The following PAK5 variants were observed in gnomAD, a reference collection of about 807,000 sequenced individuals.
PAK5 encodes serine/threonine-protein kinase PAK 5.
In PAK5, 16 loss-of-function variants were observed where a neutral mutation model predicts 65.9. The observed-to-expected ratio is 0.24, with a 90% confidence interval of 0.16 to 0.37. The LOEUF is 0.37. Among genes scored for constraint, PAK5 ranks in the 10% least tolerant of loss-of-function variants. The probability of loss-of-function intolerance (pLI) is 1.00; values close to 1 mark genes in which losing one functional copy is unlikely to be tolerated. For synonymous variants in PAK5, 371 were observed against 354.9 expected (o/e 1.05, Z -0.51); for missense variants, 785 against 903.9 (o/e 0.87, Z 1.69).
At chr20:9,674,713 A>C (rs1049589111) in intron 2 of PAK5, among the ~76,000 whole-genome samples, 1 of 152,192 alleles carries the variant, frequency 6.6e-6, no homozygotes, top group African/African-American at 2.4e-5. Context: ...AAAGCAGGGC[A>C]GGTGGAAGTG....
At chr20:9,749,893 C>G (rs1262098404) in intron 1 of PAK5, among the ~76,000 whole-genome samples, 1 of 152,162 alleles carries the variant, frequency 6.6e-6, no homozygotes, top group Non-Finnish European at 1.5e-5. Context: ...CAGTAACACT[C>G]AGTTTGCAGA....
intron 3 of PAK5, among the ~76,000 whole-genome samples, chr20:9,641,542 A>C (rs1271637509): frequency 6.6e-6 from 1 of 151,178 alleles, no homozygotes; most frequent in African/African-American, 2.4e-5. Flanking sequence ...TGGATCCCGC[A>C]CCGGGGCTGC....
At chr20:9,826,819 G>A (rs1241682704) in intron 1 of PAK5, among the ~76,000 whole-genome samples, 3 of 152,302 alleles carry the variant, frequency 2.0e-5, no homozygotes, top group African/African-American at 2.4e-5. Flanking sequence ...AATTGAGCAG[G>A]AATCACACCA....
intron 3 of PAK5, among the ~76,000 whole-genome samples, chr20:9,614,053 G>A (rs2046611693): frequency 1.3e-5 from 2 of 152,180 alleles, no homozygotes; most frequent in South Asian, 4.1e-4. Context: ...TATGAGACTG[G>A]GGATTTAAAA....
chr20:9,576,537 A>T (rs1276976734), intron 4 of PAK5, among the ~76,000 whole-genome samples: 1 of 152,188 alleles, frequency 6.6e-6, no homozygotes, highest in Non-Finnish European at 1.5e-5. Flanking sequence ...AAATGTTCAT[A>T]GTGTCAAGGT....
chr20:9,557,834 G>C lies in PAK5; in HGVS notation c.1617-100C>G, dbSNP rs889159219. ...CTTGTGCTTTAGTGAAACAGTCCAC[G>C]TGCTCCAGCCCATATCTGAAAAACC... On this transcript the variant is annotated intron_variant, in intron 6 of 9. Coordinates refer to ENST00000353224, the MANE Select transcript of PAK5 (RefSeq NM_177990.4). 4.5e-6 allele frequency: 4 copies of C among 884,212 alleles called. No individual in the cohort carries two copies. The African/African-American group carries it at 6.7e-5, about 15-fold the overall frequency. 54.8% of individuals were successfully genotyped at this position (884,212 alleles called of 1,614,324 possible).
chr20:9,628,366 G>A (rs1361149643), intron 3 of PAK5, among the ~76,000 whole-genome samples: 1 of 152,118 alleles, frequency 6.6e-6, no homozygotes, highest in Non-Finnish European at 1.5e-5. Flanking sequence ...GCAATACATT[G>A]TCACTGCCTC....
At chr20:9,657,802 G>T (rs964728776) in intron 2 of PAK5, among the ~76,000 whole-genome samples, 5 of 152,144 alleles carry the variant, frequency 3.3e-5, no homozygotes, top group Non-Finnish European at 7.3e-5. Context: ...AAGGAACCAA[G>T]GATAAAGGCC....
chr20:9,760,004 C>G (rs188807072), intron 1 of PAK5, among the ~76,000 whole-genome samples: 1 of 152,118 alleles, frequency 6.6e-6, no homozygotes, highest in Non-Finnish European at 1.5e-5. Context: ...GGTCACCCTA[C>G]GCTAATGTTT....
intron 8 of PAK5, among the ~76,000 whole-genome samples, chr20:9,543,452 C>T (rs145935926): frequency 6.6e-6 from 1 of 152,246 alleles, no homozygotes; most frequent in African/African-American, 2.4e-5. Flanking sequence ...GAACGTATTG[C>T]TATTATTACC....
At chr20:9,756,103 A>G (rs2048631009) in intron 1 of PAK5, among the ~76,000 whole-genome samples, 1 of 152,240 alleles carries the variant, frequency 6.6e-6, no homozygotes, top group Non-Finnish European at 1.5e-5. Flanking sequence ...AGAATAAGTG[A>G]GGACTGAATT....
intron 3 of PAK5, among the ~76,000 whole-genome samples, chr20:9,618,898 TTCTC>T (rs1300375525): frequency 6.7e-6 from 1 of 148,856 alleles, no homozygotes; most frequent in Non-Finnish European, 1.5e-5. Context: ...TCAGATTCTT[TTCTC>T]TCTCTTTCTT....
At chr20:9,663,478 A>T (rs1600214687) in intron 2 of PAK5, among the ~76,000 whole-genome samples, 1 of 152,174 alleles carries the variant, frequency 6.6e-6, no homozygotes, top group East Asian at 1.9e-4. Context: ...TCTTTGAAAA[A>T]TGCCAAAATG....
intron 2 of PAK5, among the ~76,000 whole-genome samples, chr20:9,688,718 C>T (rs559261046): frequency 2.6e-5 from 4 of 152,066 alleles, no homozygotes; most frequent in Non-Finnish European, 4.4e-5. Flanking sequence ...CACTCCAACA[C>T]TTCACCTGTG....
intron 4 of PAK5, among the ~76,000 whole-genome samples, chr20:9,574,971 T>C (rs947693956): frequency 2.6e-5 from 4 of 152,142 alleles, no homozygotes; most frequent in Admixed American, 6.5e-5. Flanking sequence ...AGAAAAGAAG[T>C]TGCTGTTCTG....
At chr20:9,645,045 CAAGT>C (rs1267738241) in intron 2 of PAK5, among the ~76,000 whole-genome samples, 1 of 152,092 alleles carries the variant, frequency 6.6e-6, no homozygotes, top group African/African-American at 2.4e-5. Flanking sequence ...AAGGATCAAA[CAAGT>C]AAATATTTAC....
rs1247453132 is a variant in PAK5 at position 9,838,993 on chromosome 20, G to GC, written c.-394dup. 1 of 152,412 alleles carries GC rather than the reference G, an allele frequency of 6.6e-6. No homozygotes were observed. Among genetic ancestry groups the GC allele is most frequent in the African/African-American group, 2.4e-5 (1 of 41,420 alleles). The allele number at this position is 152,412 out of a possible 1,614,324, so 9.4% of individuals were successfully genotyped here. On this transcript the variant is annotated 5_prime_UTR_variant, in exon 1 of 10. It introduces an in-frame stop codon into an upstream open reading frame of the 5' UTR. Transcript: ENST00000353224. This position sits in a 1 kb window ranked among gnomAD's most constrained non-coding sequence, Gnocchi z 4.5. ...TGAGCATGCCCAGCTGCCCGGCTTC[G>GC]CCCCTCGGAGGACTGTCCATGAGCG...
chr20:9,823,977 G>T (rs754404213), intron 1 of PAK5, among the ~76,000 whole-genome samples: 6 of 152,164 alleles, frequency 3.9e-5, no homozygotes, highest in Non-Finnish European at 7.3e-5. Context: ...TGGGAATAAT[G>T]ATAACACCTA....
intron 1 of PAK5, among the ~76,000 whole-genome samples, chr20:9,726,945 G>A (rs2048284546): frequency 6.6e-6 from 1 of 152,192 alleles, no homozygotes; most frequent in Non-Finnish European, 1.5e-5. Flanking sequence ...GAAGTTATGA[G>A]TTTGGAATGC....
Sources: gnomAD v4.1 joint callset for allele counts (sites outside exome capture counted in the v4.1 genomes callset) on GRCh38, gnomAD v4.1.1 for gene constraint, Gnocchi (gnomAD v3.1) non-coding constraint, MANE v1.5 for transcripts, NCBI Gene and HGNC (gene_info 2026-07-23, HGNC 2026-07-21) for gene names.